STAG1: variants seen among roughly 807,000 people sequenced by gnomAD.
STAG1 encodes cohesin subunit SA-1.
STAG1 carries 26 observed loss-of-function variants against 170.9 expected under a neutral mutation model. The ratio of observed to expected loss-of-function variants is 0.15; its 90% CI spans 0.11 to 0.21. STAG1 has a LOEUF of 0.21. Among genes scored for constraint, STAG1 ranks in the 10% least tolerant of loss-of-function variants. The pLI, the probability that STAG1 is intolerant of heterozygous loss-of-function variation, is 1.00. For missense variants in STAG1, 964 were observed against 1,509.5 expected (o/e 0.64, Z 5.99); for synonymous variants, 514 against 497.7 (o/e 1.03, Z -0.44).
chr3:136,748,540 C>T (rs1935065937), intron 1 of STAG1, among the ~76,000 whole-genome samples: 1 of 151,974 alleles, frequency 6.6e-6, no homozygotes, highest in Admixed American at 6.6e-5. Flanking sequence ...GGATTACAGG[C>T]AAGTGCTACC....
At chr3:136,515,759 CA>C (rs1934341688) in intron 7 of STAG1, among the ~76,000 whole-genome samples, 1 of 151,810 alleles carries the variant, frequency 6.6e-6, no homozygotes, top group African/African-American at 2.4e-5. Flanking sequence ...TATACAGATT[CA>C]AAAAAGTAAT....
At chr3:136,423,163 G>T in intron 16 of STAG1, 119 bp from the exon 17 acceptor site, 1 of 615,640 alleles carries the variant, frequency 1.6e-6, no homozygotes, top group Non-Finnish European at 2.6e-6. Context: ...GAAACTTAAT[G>T]ACTGAAATAA....
At chr3:136,685,634 G>C (rs1241479375) in intron 1 of STAG1, among the ~76,000 whole-genome samples, 1 of 152,168 alleles carries the variant, frequency 6.6e-6, no homozygotes, top group Non-Finnish European at 1.5e-5. Flanking sequence ...GTCTTGAAAA[G>C]ACATGGAAGA....
At chr3:136,559,124 C>CCTATCTATCTAT (rs3042748) in intron 5 of STAG1, among the ~76,000 whole-genome samples, 6,232 of 144,046 alleles carry the variant, frequency 0.043, 146 homozygotes, top group East Asian at 0.1. Flanking sequence ...CACTGAACTA[C>CCTATCTATCTAT]CTATCTATCT....
chr3:136,385,453 C>CT, intron 22 of STAG1, among the ~76,000 whole-genome samples: 1 of 152,246 alleles, frequency 6.6e-6, no homozygotes, highest in Middle Eastern at 3.4e-3. Flanking sequence ...AGAAAACCAA[C>CT]TTTTTCCTAG....
intron 1 of STAG1, among the ~76,000 whole-genome samples, chr3:136,657,177 G>C (rs1378787975): frequency 8.6e-6 from 1 of 116,030 alleles, no homozygotes; most frequent in African/African-American, 3.5e-5. Context: ...TCTCCTACAC[G>C]TTTCTTTCTT....
chr3:136,679,937 T>C (rs1283355671), intron 1 of STAG1, among the ~76,000 whole-genome samples: 1 of 151,918 alleles, frequency 6.6e-6, no homozygotes, highest in Admixed American at 6.6e-5. Flanking sequence ...TCAGGACATA[T>C]ATTCAAAGAT....
chr3:136,696,044 T>C (rs1351639854), intron 1 of STAG1, among the ~76,000 whole-genome samples: 1 of 152,218 alleles, frequency 6.6e-6, no homozygotes, highest in Non-Finnish European at 1.5e-5. Flanking sequence ...AGCAGGATAA[T>C]CTTTGGTATG....
At position 136,706,168 on chromosome 3, in the gene STAG1, C is replaced by T. The variant is rs548934198; in HGVS notation, c.-84+46027G>A. ...TGAAAAGCCTACAGTTAACATCATA[C>T]TCAATGGTGAATAACTAAAAGCTGT... On this transcript the variant is annotated intron_variant, in intron 1 of 33. Coordinates refer to ENST00000383202, the MANE Select transcript of STAG1 (RefSeq NM_005862.3). Among the ~76,000 whole-genome samples the T allele has an allele frequency of 2.3e-4, 35 of 152,270 alleles. No individual in the cohort carries two copies. The South Asian group carries it at 4.6e-3, about 20-fold the overall frequency.
chr3:136,723,277 A>G (rs1435619523), intron 1 of STAG1, among the ~76,000 whole-genome samples: 2 of 140,378 alleles, frequency 1.4e-5, no homozygotes, highest in African/African-American at 2.7e-5. Context: ...CATCCCATCT[A>G]GGAAGTGAGG....
chr3:136,570,661 T>C (rs1937240936), intron 4 of STAG1, among the ~76,000 whole-genome samples: 1 of 152,198 alleles, frequency 6.6e-6, no homozygotes, highest in Non-Finnish European at 1.5e-5. Context: ...ATGTATGACA[T>C]CCAGCAAGAT....
chr3:136,679,911 T>C (rs1023844611), intron 1 of STAG1, among the ~76,000 whole-genome samples: 4 of 150,382 alleles, frequency 2.7e-5, no homozygotes, highest in Admixed American at 1.3e-4. Flanking sequence ...CAGAAATAAA[T>C]AAAAGCATCA....
chr3:136,401,706 T>C (rs1490138128), intron 21 of STAG1, among the ~76,000 whole-genome samples: 6 of 152,224 alleles, frequency 3.9e-5, no homozygotes, highest in Non-Finnish European at 8.8e-5. Context: ...ACAAAATGTT[T>C]ACTACATTTT....
At chr3:136,700,750 T>C (rs1310660370) in intron 1 of STAG1, among the ~76,000 whole-genome samples, 1 of 151,832 alleles carries the variant, frequency 6.6e-6, no homozygotes, top group East Asian at 1.9e-4. Flanking sequence ...AAAAGTCCCT[T>C]CCAGTTACTG....
chr3:136,476,866 T>C (rs1315470715), intron 10 of STAG1, among the ~76,000 whole-genome samples: 2 of 152,134 alleles, frequency 1.3e-5, no homozygotes, highest in South Asian at 4.1e-4. Context: ...GATTTTTAGA[T>C]CAAATATTCT....
At chr3:136,656,617 T>TTTTGTGTGTGTGTGTGTGTGTGTG (rs375214863) in intron 1 of STAG1, among the ~76,000 whole-genome samples, 1 of 143,294 alleles carries the variant, frequency 7.0e-6, no homozygotes, top group African/African-American at 2.7e-5. Context: ...CTGTATTTAT[T>TTTTGTGTGTGTGTGTGTGTGTGTG]TGTGTGTGTG....
chr3:136,408,155 C>T (rs918366020), intron 21 of STAG1, among the ~76,000 whole-genome samples: 2 of 152,110 alleles, frequency 1.3e-5, no homozygotes, highest in Non-Finnish European at 2.9e-5. Context: ...TTCATAAATG[C>T]TACAATGAAC....
intron 23 of STAG1, among the ~76,000 whole-genome samples, 156 bp from the exon 24 acceptor site, chr3:136,369,438 T>C (rs1336253222): frequency 6.6e-6 from 1 of 152,224 alleles, no homozygotes; most frequent in East Asian, 1.9e-4. Flanking sequence ...AATTTCCAAA[T>C]TTAATAAAAT....
intron 8 of STAG1, among the ~76,000 whole-genome samples, chr3:136,501,153 G>A (rs1038841415): frequency 6.6e-5 from 10 of 152,106 alleles, no homozygotes; most frequent in African/African-American, 2.4e-4. Flanking sequence ...TCCTCCAAGT[G>A]TTAAAAATTA....
Sources: allele counts gnomAD v4.1 joint callset (sites outside exome capture counted in the v4.1 genomes callset), GRCh38; gene constraint gnomAD v4.1.1; transcripts MANE v1.5; gene names NCBI Gene and HGNC (gene_info 2026-07-23, HGNC 2026-07-21).